Variants in ADAMTSL3 observed in about 807,000 individuals in gnomAD.
ADAMTSL3 encodes ADAMTS-like protein 3.
A neutral mutation model predicts 201.7 loss-of-function variants in ADAMTSL3; 128 were observed. That is an observed-to-expected ratio of 0.63 (90% confidence interval 0.55 to 0.73). The LOEUF is 0.73. Ranked by LOEUF, ADAMTSL3 falls within the 30% of genes least tolerant of loss-of-function variation. The probability of loss-of-function intolerance (pLI) is 0.00; values close to 1 mark genes in which losing one functional copy is unlikely to be tolerated. For missense variants in ADAMTSL3, 1,990 were observed against 2,119.6 expected, an observed-to-expected ratio of 0.94 and a Z score of 1.20; for synonymous variants, 738 against 748.4, an observed-to-expected ratio of 0.99 and a Z score of 0.23.
intron 19 of ADAMTSL3, among the ~76,000 whole-genome samples, chr15:83,959,723 A>ATGT (rs2066926251): frequency 1.3e-5 from 2 of 152,220 alleles, no homozygotes; most frequent in Non-Finnish European, 2.9e-5. Flanking sequence ...TATAGAGGAA[A>ATGT]CCATGACAAG....
chr15:83,724,461 A>T (rs904447711), intron 3 of ADAMTSL3, among the ~76,000 whole-genome samples: 1 of 152,032 alleles, frequency 6.6e-6, no homozygotes, highest in Admixed American at 6.6e-5. Context: ...GGTATGTGAG[A>T]TATTTTGAAT....
chr15:83,743,375 C>T lies in ADAMTSL3; in HGVS notation c.190-30148C>T, dbSNP rs537468305. Among the ~76,000 whole-genome samples the T allele has an allele frequency of 1.2e-3, 184 of 151,654 alleles. 2 individuals carry two copies. The highest frequency in any genetic ancestry group is 0.011 in the Admixed American group (165 of 15,242). On this transcript the variant is annotated intron_variant, in intron 3 of 29. Coordinates refer to ENST00000286744, the MANE Select transcript of ADAMTSL3 (RefSeq NM_207517.3). Reference sequence around the variant, plus strand: ...AAAAATACAAAAAATTAGCCGGGCGCGGTGGCGGGCGCCTGTAGTCCCAGC... The same window carrying T: ...AAAAATACAAAAAATTAGCCGGGCGTGGTGGCGGGCGCCTGTAGTCCCAGC...
At chr15:83,978,757 C>T (rs988834887) in intron 20 of ADAMTSL3, among the ~76,000 whole-genome samples, 4 of 152,216 alleles carry the variant, frequency 2.6e-5, no homozygotes, top group African/African-American at 4.8e-5. Flanking sequence ...GTCAAAATGC[C>T]CCATACCCCA....
At chr15:83,666,392 T>A (rs770345091) in intron 2 of ADAMTSL3, among the ~76,000 whole-genome samples, 3 of 152,234 alleles carry the variant, frequency 2.0e-5, no homozygotes, top group Non-Finnish European at 2.9e-5. Context: ...TACTACAGAT[T>A]GTCTTTTAGA....
chr15:83,710,893 A>G (rs1393189560), intron 3 of ADAMTSL3, among the ~76,000 whole-genome samples: 2 of 152,202 alleles, frequency 1.3e-5, no homozygotes, highest in East Asian at 3.9e-4. Flanking sequence ...CCAAGATCAC[A>G]CAGCCAGGCA....
At chr15:83,903,939 A>AGGGG (rs1567226085) in intron 15 of ADAMTSL3, among the ~76,000 whole-genome samples, 1 of 50,652 alleles carries the variant, frequency 2.0e-5, no homozygotes. Flanking sequence ...AAAAAAAAAA[A>AGGGG]AAAAAGAAAA....
At chr15:83,673,002 A>G (rs55785238) in intron 2 of ADAMTSL3, among the ~76,000 whole-genome samples, 3,456 of 152,282 alleles carry the variant, frequency 0.023, 132 homozygotes, top group African/African-American at 0.076. Flanking sequence ...CTTATGCTGC[A>G]CCCTCTGTAA....
chr15:83,988,822 A>C lies in ADAMTSL3; in HGVS notation c.3844+4A>C. 1 of 1,473,566 alleles carries C rather than the reference A, an allele frequency of 6.8e-7. No homozygotes were observed. Among genetic ancestry groups the C allele is most frequent in the Non-Finnish European group, 9.1e-7 (1 of 1,104,060 alleles). 91.3% of individuals were successfully genotyped at this position (1,473,566 alleles called of 1,614,324 possible). ...AGTTCTTCTGTGCTGTATGCAGGTA[A>C]TGCCCACTGTTGAAATCTAGAATGC... On this transcript the variant is annotated splice_donor_region_variant and intron_variant, in intron 22 of 29. Coordinates refer to ENST00000286744, the MANE Select transcript of ADAMTSL3 (RefSeq NM_207517.3).
At chr15:83,783,837 C>CTGTGTGTGTG (rs59071955) in intron 4 of ADAMTSL3, among the ~76,000 whole-genome samples, 19,419 of 148,608 alleles carry the variant, frequency 0.13, 1,615 homozygotes, top group Middle Eastern at 0.25. Flanking sequence ...CATATATACT[C>CTGTGTGTGTG]TGTGTGTGTG....
At chr15:83,884,123 C>A (rs1036903414) in intron 9 of ADAMTSL3, among the ~76,000 whole-genome samples, 1 of 151,636 alleles carries the variant, frequency 6.6e-6, no homozygotes, top group Non-Finnish European at 1.5e-5. Context: ...AAACTCCTGA[C>A]CTCAGATGAT....
chr15:83,837,654 C>T (rs1330253400), intron 6 of ADAMTSL3, among the ~76,000 whole-genome samples: 1 of 151,478 alleles, frequency 6.6e-6, no homozygotes, highest in African/African-American at 2.4e-5. Context: ...GGGCACAGGC[C>T]TGTGACTCAA....
intron 7 of ADAMTSL3, among the ~76,000 whole-genome samples, chr15:83,842,920 A>C (rs1219001796): frequency 2.6e-5 from 4 of 152,244 alleles, no homozygotes; most frequent in Non-Finnish European, 5.9e-5. Context: ...AGGGTCCAAG[A>C]AAGATTAGAA....
At chr15:83,679,126 GTTTTAAAAATT>G (rs1490473856) in intron 2 of ADAMTSL3, among the ~76,000 whole-genome samples, 1 of 151,484 alleles carries the variant, frequency 6.6e-6, no homozygotes, top group Non-Finnish European at 1.5e-5. Flanking sequence ...ATCCAGTGAG[GTTTTAAAAATT>G]TTTTAAATTT....
chr15:83,805,804 C>A lies in ADAMTSL3; in HGVS notation c.363+1109C>A, dbSNP rs142399120. On this transcript the variant is annotated intron_variant, in intron 5 of 29. Coordinates refer to ENST00000286744, the MANE Select transcript of ADAMTSL3 (RefSeq NM_207517.3). ...AGAATGCCTGTGGCACACAGTAACT[C>A]AAGATGGCAGCATAGGGAGGAGGGC... Among the ~76,000 whole-genome samples, 612 of 152,324 alleles carry A rather than the reference C, an allele frequency of 4.0e-3. 2 individuals carry two copies. The highest frequency in any genetic ancestry group is 6.2e-3 in the Non-Finnish European group (423 of 68,036).
At chr15:83,691,154 G>A (rs2061603244) in intron 2 of ADAMTSL3, among the ~76,000 whole-genome samples, 1 of 152,180 alleles carries the variant, frequency 6.6e-6, no homozygotes, top group Admixed American at 6.5e-5. Flanking sequence ...CATGACAAAG[G>A]ATACCAGAGT....
chr15:83,829,980 G>T (rs1250881471), intron 6 of ADAMTSL3, among the ~76,000 whole-genome samples: 1 of 152,194 alleles, frequency 6.6e-6, no homozygotes, highest in Non-Finnish European at 1.5e-5. Context: ...GTGTGATATG[G>T]TGCTGAGAAG....
intron 3 of ADAMTSL3, among the ~76,000 whole-genome samples, chr15:83,733,559 A>G (rs1345999193): frequency 6.6e-6 from 1 of 152,162 alleles, no homozygotes; most frequent in Admixed American, 6.6e-5. Context: ...TTAACTCACC[A>G]GAGAAAGTTT....
At chr15:83,714,204 C>G (rs1292814258) in intron 3 of ADAMTSL3, among the ~76,000 whole-genome samples, 1 of 152,218 alleles carries the variant, frequency 6.6e-6, no homozygotes, top group Non-Finnish European at 1.5e-5. Flanking sequence ...TATCTTCTAG[C>G]TTGGACTTTA....
intron 8 of ADAMTSL3, among the ~76,000 whole-genome samples, chr15:83,866,741 C>A (rs115921180): frequency 0.025 from 3,790 of 152,064 alleles, 163 homozygotes; most frequent in African/African-American, 0.086. Flanking sequence ...TATGTGTATC[C>A]TAAAACTTAA....
Sources: allele counts gnomAD v4.1 joint callset (sites outside exome capture counted in the v4.1 genomes callset), GRCh38; gene constraint gnomAD v4.1.1; transcripts MANE v1.5; gene names NCBI Gene and HGNC (gene_info 2026-07-23, HGNC 2026-07-21).